ACSL6: variants seen among roughly 807,000 people sequenced by gnomAD.
ACSL6 encodes the protein acyl-CoA synthetase long chain family member 6, also known as long-chain-fatty-acid--CoA ligase 6.
A neutral mutation model predicts 98.2 loss-of-function variants in ACSL6; 47 were observed. The ratio of observed to expected loss-of-function variants is 0.48; its 90% confidence interval spans 0.38 to 0.61. The LOEUF is 0.61. Ranked by LOEUF, ACSL6 falls within the 20% of genes least tolerant of loss-of-function variation. The pLI is 0.00. For synonymous variants in ACSL6, 362 were observed against 336.9 expected, an observed-to-expected ratio of 1.07 and a Z score of -0.82; for missense variants, 761 against 913.4, an observed-to-expected ratio of 0.83 and a Z score of 2.15.
rs781258205 is a variant in ACSL6, at chr5:132,008,830, G to A, written c.49+2675C>T. The stretch of plus-strand genomic sequence containing the variant: ...TATGATTGAACAGATTAGACCCTGC[G>A]GCATGGGGCTGCCTTAGCCTAGAGG... On this transcript the variant is annotated intron_variant, in intron 1 of 20. Coordinates refer to ENST00000651883, the MANE Select transcript of ACSL6 (RefSeq NM_001009185.3). Among the ~76,000 whole-genome samples, 60 of 152,188 alleles carry A rather than the reference G, an allele frequency of 3.9e-4. 1 individual carries two copies. The highest frequency in any genetic ancestry group is 1.5e-3 in the Admixed American group (23 of 15,280).
chr5:132,000,980 G>A (rs970035926), intron 1 of ACSL6, among the ~76,000 whole-genome samples: 7 of 151,796 alleles, frequency 4.6e-5, no homozygotes, highest in African/African-American at 7.3e-5. Flanking sequence ...CTGCCTCAGC[G>A]ACCCTCATCT....
At chr5:131,991,049 AC>A in intron 2 of ACSL6, 82 bp from the exon 3 acceptor site, 1 of 1,223,278 alleles carries the variant, frequency 8.2e-7, no homozygotes, top group Non-Finnish European at 1.2e-6. Flanking sequence ...ACAAGGCTGT[AC>A]CCAGCTCGGA....
chr5:131,958,505 C>A (rs1172379905), intron 20 of ACSL6, among the ~76,000 whole-genome samples: 2 of 152,136 alleles, frequency 1.3e-5, no homozygotes, highest in Non-Finnish European at 2.9e-5. Context: ...TTTACCCAGG[C>A]CTAAATTGCC....
At chr5:131,962,049 T>G (rs1580628500) in intron 18 of ACSL6, among the ~76,000 whole-genome samples, 3 of 143,066 alleles carry the variant, frequency 2.1e-5, no homozygotes, top group South Asian at 2.3e-4. Context: ...CATGGTGGTG[T>G]GCACCTGTAG....
chr5:132,008,398 G>A (rs981081668), intron 1 of ACSL6, among the ~76,000 whole-genome samples: 1 of 152,150 alleles, frequency 6.6e-6, no homozygotes, highest in African/African-American at 2.4e-5. Context: ...ACTTTGTCTC[G>A]CCCCACCAGG....
At chr5:131,981,728 T>C (rs2126862495) in intron 9 of ACSL6, 1 of 152,384 alleles carries the variant, frequency 6.6e-6, no homozygotes, top group Non-Finnish European at 1.5e-5. Flanking sequence ...TGATGGAGCA[T>C]GCCTTTTGAT....
At position 131,989,515 on chromosome 5, in the gene ACSL6, A is replaced by G. The variant is rs1232215892; in HGVS notation, c.451-7T>C. ...ATTCAGCCCTGTCGGCCACCTGCAC[A>G]CAGATGTGGGGAAGTGATGGGAAAA... On this transcript the variant is annotated splice_region_variant and splice_polypyrimidine_tract_variant and intron_variant, in intron 4 of 20. Transcript: ENST00000651883. 6.2e-7 allele frequency: 1 copy of G among 1,604,646 alleles called. No homozygotes were observed. Among genetic ancestry groups the G allele is most frequent in the Non-Finnish European group, 8.5e-7 (1 of 1,174,212 alleles).
intron 17 of ACSL6, among the ~76,000 whole-genome samples, chr5:131,964,791 A>G (rs1752921307): frequency 6.6e-6 from 1 of 152,130 alleles, no homozygotes; most frequent in Non-Finnish European, 1.5e-5. Context: ...ATGGGTCTTC[A>G]GTTGGAATTA....
intron 9 of ACSL6, chr5:131,984,818 G>T (rs1754083154): frequency 6.2e-6 from 1 of 161,654 alleles, no homozygotes; most frequent in African/African-American, 2.4e-5. Context: ...TGACAGCCTT[G>T]CTCATGGCAC....
At chr5:131,995,912 A>G (rs1754771970) in intron 1 of ACSL6, among the ~76,000 whole-genome samples, 1 of 152,248 alleles carries the variant, frequency 6.6e-6, no homozygotes, top group African/African-American at 2.4e-5. Flanking sequence ...AGAGATGGTT[A>G]AAGTATATGC....
At position 131,999,840 on chromosome 5, in the gene ACSL6, A is replaced by AC. The variant is rs34623536; in HGVS notation, c.50-5590dup. Among the ~76,000 whole-genome samples, 19 of 151,842 alleles carry AC rather than the reference A, an allele frequency of 1.3e-4. No individual in the cohort carries two copies. The South Asian group carries it at 4.0e-3, about 32-fold the overall frequency. ...CCAGCGTGCCAGAGCCTCAGCTTAC[A>AC]CCCCCCTGCTTTTCCCCTCACCCCA... On this transcript the variant is annotated intron_variant, in intron 1 of 20. Transcript: ENST00000651883.
At chr5:131,974,829 A>C in intron 11 of ACSL6, 64 bp downstream of exon 11, 1 of 1,613,702 alleles carries the variant, frequency 6.2e-7, no homozygotes, top group Non-Finnish European at 8.5e-7. Context: ...GTGGGAGCCC[A>C]CTGACTCTGT....
chr5:131,986,182 C>T (rs1057463070), intron 8 of ACSL6, among the ~76,000 whole-genome samples: 5 of 152,170 alleles, frequency 3.3e-5, no homozygotes, highest in Admixed American at 6.5e-5. Flanking sequence ...AAAACTGAGC[C>T]GTGATGTGTA....
intron 1 of ACSL6, among the ~76,000 whole-genome samples, chr5:131,998,850 G>T (rs903068053): frequency 1.3e-5 from 2 of 152,102 alleles, no homozygotes; most frequent in African/African-American, 4.8e-5. Flanking sequence ...GCTTCCTATT[G>T]CCTTAGGACC....
chr5:132,009,316 A>C (rs373797284), intron 1 of ACSL6, among the ~76,000 whole-genome samples: 2 of 152,218 alleles, frequency 1.3e-5, no homozygotes, highest in African/African-American at 2.4e-5. Flanking sequence ...ACTCTACTAA[A>C]GAGAGACATT....
intron 1 of ACSL6, among the ~76,000 whole-genome samples, chr5:132,004,403 G>A (rs935929439): frequency 3.3e-5 from 5 of 152,170 alleles, no homozygotes; most frequent in African/African-American, 9.7e-5. Context: ...TGTGGCCGTT[G>A]AGCCTGAGAG....
intron 1 of ACSL6, among the ~76,000 whole-genome samples, chr5:132,010,279 C>T (rs1755637821): frequency 6.6e-6 from 1 of 152,146 alleles, no homozygotes; most frequent in African/African-American, 2.4e-5. Flanking sequence ...GATTACTAGG[C>T]CCACCAACCC....
At chr5:131,986,113 G>A (rs931285863) in intron 8 of ACSL6, among the ~76,000 whole-genome samples, 2 of 152,366 alleles carry the variant, frequency 1.3e-5, no homozygotes, top group East Asian at 3.9e-4. Context: ...AACCAGCCTG[G>A]GCACAGGCAC....
At chr5:131,965,447 C>A (rs941731519) in intron 17 of ACSL6, among the ~76,000 whole-genome samples, 3 of 152,208 alleles carry the variant, frequency 2.0e-5, no homozygotes, top group Admixed American at 2.0e-4. Context: ...AGGCTGAGTG[C>A]AGTGGCTCAT....
Sources: allele counts gnomAD v4.1 joint callset (sites outside exome capture counted in the v4.1 genomes callset), GRCh38; gene constraint gnomAD v4.1.1; transcripts MANE v1.5; gene names NCBI Gene and HGNC (gene_info 2026-07-23, HGNC 2026-07-21).